Variants in ZDHHC15 observed in about 807,000 individuals in gnomAD.
ZDHHC15 encodes the protein zDHHC palmitoyltransferase 15, also known as palmitoyltransferase ZDHHC15.
A neutral mutation model predicts 31.7 loss-of-function variants in ZDHHC15; 19 were observed. The ratio of observed to expected loss-of-function variants is 0.60; its 90% CI spans 0.42 to 0.88. The LOEUF is 0.88. Among genes scored for constraint, ZDHHC15 ranks in the 40% least tolerant of loss-of-function variants. ZDHHC15 has a pLI of 0.00. For synonymous variants in ZDHHC15, 103 were observed against 90.0 expected (o/e 1.14, Z -0.82); for missense variants, 209 against 251.2 (o/e 0.83, Z 1.14).
intron 2 of ZDHHC15, among the ~76,000 whole-genome samples, chrX:75,500,761 A>G (rs1032476867): frequency 8.2e-5 from 9 of 109,174 alleles, no homozygotes; most frequent in Non-Finnish European, 1.5e-4. Flanking sequence ...AATATAAAAT[A>G]ATATATTATT....
intron 1 of ZDHHC15, among the ~76,000 whole-genome samples, chrX:75,511,490 T>G (rs1335081491): frequency 1.5e-5 from 1 of 66,860 alleles, no homozygotes; most frequent in Non-Finnish European, 2.8e-5. Context: ...CTTTGTCAGA[T>G]GAGTAGGTTG....
At chrX:75,494,773 A>C (rs1390647870) in intron 2 of ZDHHC15, among the ~76,000 whole-genome samples, 3 of 112,420 alleles carry the variant, frequency 2.7e-5, no homozygotes, top group Non-Finnish European at 5.6e-5. Context: ...ACCTTATACA[A>C]AAATTAATTC....
chrX:75,507,348 G>A (rs1379959369), intron 1 of ZDHHC15, among the ~76,000 whole-genome samples: 1 of 109,840 alleles, frequency 9.1e-6, no homozygotes, highest in African/African-American at 3.3e-5. Context: ...TAGGAAGTAA[G>A]TCCAAGGGAA....
chrX:75,505,163 T>C (rs1457316974), intron 2 of ZDHHC15, among the ~76,000 whole-genome samples: 2 of 111,284 alleles, frequency 1.8e-5, no homozygotes, highest in African/African-American at 3.3e-5. Context: ...TAAAACAGCA[T>C]AATATGAATG....
intron 2 of ZDHHC15, among the ~76,000 whole-genome samples, chrX:75,500,255 C>G (rs766987286): frequency 9.4e-6 from 1 of 105,963 alleles, no homozygotes; most frequent in Admixed American, 1.0e-4. Flanking sequence ...ACCTGCTCCC[C>G]CAAAACTATT....
At chrX:75,485,538 C>T (rs2084763936) in intron 2 of ZDHHC15, among the ~76,000 whole-genome samples, 1 of 110,459 alleles carries the variant, frequency 9.1e-6, no homozygotes, top group African/African-American at 3.3e-5. Context: ...TACGCCCCAC[C>T]ATCAGTAACC....
At chrX:75,384,209 G>C (rs2083155283) in intron 10 of ZDHHC15, 7 of 438,361 alleles carry the variant, frequency 1.6e-5, no homozygotes, top group Non-Finnish European at 2.8e-5. Context: ...TCCCAAATAT[G>C]TAATCAAAAG....
chrX:75,402,828 C>T (rs2083371508), intron 10 of ZDHHC15, among the ~76,000 whole-genome samples: 1 of 110,715 alleles, frequency 9.0e-6, no homozygotes, highest in Admixed American at 9.6e-5. Flanking sequence ...CCATTCCTAC[C>T]GAGACTATTC....
At position 75,487,541 on chromosome X, in the gene ZDHHC15, G is replaced by T. The variant is rs374896043; in HGVS notation, c.164-8556C>A. Among the ~76,000 whole-genome samples, 14 of 112,128 alleles carry T rather than the reference G, an allele frequency of 1.2e-4. No homozygotes were observed. In the South Asian group the frequency reaches 5.2e-3, roughly 42 times the overall value. On this transcript the variant is annotated intron_variant, in intron 2 of 11. Transcript: ENST00000373367. ...AAAGAATCTGAAGATCAGCCCTTGAGTTGCAAATCTTTCCACTGAAACAGT... is the reference window on the plus strand; with the variant it reads ...AAAGAATCTGAAGATCAGCCCTTGATTTGCAAATCTTTCCACTGAAACAGT...
chrX:75,442,223 T>C (rs2083952633), intron 4 of ZDHHC15, among the ~76,000 whole-genome samples: 1 of 111,990 alleles, frequency 8.9e-6, no homozygotes, highest in Non-Finnish European at 1.9e-5. Flanking sequence ...AACCAAGCCT[T>C]TGAGGACCAA....
chrX:75,465,611 A>G (rs1412814424), intron 3 of ZDHHC15, among the ~76,000 whole-genome samples: 1 of 111,607 alleles, frequency 9.0e-6, no homozygotes. Flanking sequence ...ACATAGACCA[A>G]TGGAACAGAA....
intron 2 of ZDHHC15, among the ~76,000 whole-genome samples, chrX:75,492,346 C>T (rs1194142320): frequency 1.8e-5 from 2 of 110,611 alleles, no homozygotes; most frequent in East Asian, 2.9e-4. Flanking sequence ...ACTTTAACAC[C>T]CCACTGTCAA....
At chrX:75,426,764 C>T (rs750976247) in intron 7 of ZDHHC15, among the ~76,000 whole-genome samples, 2 of 111,298 alleles carry the variant, frequency 1.8e-5, no homozygotes, top group East Asian at 5.7e-4. Context: ...TAGAGCTCTC[C>T]ACAGCAGAGC....
intron 2 of ZDHHC15, among the ~76,000 whole-genome samples, chrX:75,492,951 TAG>T (rs1019978844): frequency 1.8e-5 from 2 of 110,762 alleles, no homozygotes; most frequent in Non-Finnish European, 3.8e-5. Flanking sequence ...CTGAAGGAAA[TAG>T]AGAGACAAAA....
At chrX:75,390,113 G>A (rs1466801192) in intron 10 of ZDHHC15, among the ~76,000 whole-genome samples, 1 of 111,905 alleles carries the variant, frequency 8.9e-6, no homozygotes, top group Non-Finnish European at 1.9e-5. Context: ...TGGCCACAGC[G>A]AGATAACTGT....
chrX:75,449,184 A>G (rs1431937829), intron 4 of ZDHHC15, among the ~76,000 whole-genome samples: 1 of 85,040 alleles, frequency 1.2e-5, no homozygotes, highest in Non-Finnish European at 2.2e-5. Context: ...ATTCCTCATA[A>G]TCTCTCTCTC....
At chrX:75,504,595 G>A (rs1160766182) in intron 2 of ZDHHC15, among the ~76,000 whole-genome samples, 1 of 111,196 alleles carries the variant, frequency 9.0e-6, no homozygotes, top group African/African-American at 3.3e-5. Flanking sequence ...CACAGGATTA[G>A]AAGGGACCCC....
In ZDHHC15 at chrX:75,372,585, T is replaced by G. The variant is rs1360598548; in HGVS notation, c.*393A>C. The G allele has an allele frequency of 9.0e-6, 1 of 111,519 alleles. No individual in the cohort carries two copies. Among genetic ancestry groups the G allele is most frequent in the East Asian group, 2.8e-4 (1 of 3,564 alleles). 9.2% of individuals were successfully genotyped at this position (111,519 alleles called of 1,213,427 possible). On this transcript the variant is annotated 3_prime_UTR_variant, in exon 12 of 12. Coordinates refer to ENST00000373367, the MANE Select transcript of ZDHHC15 (RefSeq NM_144969.3). ...ATTCCCTTCAACACCAAAAAGGCCC[T>G]ATATATGTGATTAATAATCTTTGTG...
chrX:75,485,069 T>A (rs1304106738), intron 2 of ZDHHC15, among the ~76,000 whole-genome samples: 1 of 111,411 alleles, frequency 9.0e-6, no homozygotes, highest in African/African-American at 3.3e-5. Flanking sequence ...TGAGAGGGTT[T>A]CTTGTGAATG....
Sources: gnomAD v4.1 joint callset for allele counts (sites outside exome capture counted in the v4.1 genomes callset) on GRCh38, gnomAD v4.1.1 for gene constraint, MANE v1.5 for transcripts, NCBI Gene and HGNC (gene_info 2026-07-23, HGNC 2026-07-21) for gene names.